The following PTPN21 variants were observed in gnomAD, a reference collection of about 807,000 sequenced individuals.
PTPN21 encodes the protein tyrosine-protein phosphatase non-receptor type 21.
PTPN21 carries 77 observed loss-of-function variants against 131.8 expected under a neutral mutation model. The observed-to-expected ratio is 0.58, with a 90% CI of 0.49 to 0.71. The LOEUF is 0.71. Ranked by LOEUF, PTPN21 falls within the 30% of genes least tolerant of loss-of-function variation. PTPN21 has a pLI of 0.00. For missense variants in PTPN21, 1,552 were observed against 1,527.1 expected (o/e 1.02, Z -0.27); for synonymous variants, 715 against 621.3 (o/e 1.15, Z -2.24).
intron 13 of PTPN21, among the ~76,000 whole-genome samples, chr14:88,474,131 C>CAAAAAAAAAAAAAAAAAAAAAA (rs754719071): frequency 2.1e-5 from 1 of 46,682 alleles, no homozygotes; most frequent in African/African-American, 7.9e-5. Context: ...AGCTGAAGTC[C>CAAAAAAAAAAAAAAAAAAAAAA]AAAAAAAAAA....
chr14:88,532,582 CAAAG>C (rs1458047349), intron 2 of PTPN21, among the ~76,000 whole-genome samples: 1 of 152,090 alleles, frequency 6.6e-6, no homozygotes, highest in Non-Finnish European at 1.5e-5. Flanking sequence ...ATGCCCTTGA[CAAAG>C]AAGAAATTTC....
intron 12 of PTPN21, among the ~76,000 whole-genome samples, chr14:88,484,565 C>T (rs1191632557): frequency 6.6e-6 from 1 of 152,102 alleles, no homozygotes; most frequent in Non-Finnish European, 1.5e-5. Flanking sequence ...GACACAGGAA[C>T]CAGCTTGATA....
At chr14:88,520,868 G>C (rs985621247) in intron 2 of PTPN21, among the ~76,000 whole-genome samples, 1 of 152,100 alleles carries the variant, frequency 6.6e-6, no homozygotes, top group Admixed American at 6.6e-5. Context: ...TTTTGAGAGA[G>C]AGTTGCACTC....
chr14:88,543,431 A>G (rs181644853), intron 2 of PTPN21, among the ~76,000 whole-genome samples: 13 of 152,378 alleles, frequency 8.5e-5, no homozygotes, highest in Admixed American at 7.2e-4. Context: ...ATCTGTATAC[A>G]AAACTTTGGA....
chr14:88,466,813 ATC>A lies in PTPN21; in HGVS notation c.*1322_*1323del, dbSNP rs1276212511. ...CAAGTACCTCTTGAATACCACAGCA[ATC>A]TCTGTGCACAAATTTGGACTGTACT... On this transcript the variant is annotated 3_prime_UTR_variant, in exon 19 of 19. Transcript: ENST00000556564. The A allele has an allele frequency of 6.6e-6, 1 of 152,208 alleles. No homozygotes were observed. The highest frequency in any genetic ancestry group is 1.5e-5 in the Non-Finnish European group (1 of 68,052). 9.4% of individuals were successfully genotyped at this position (152,208 alleles called of 1,614,324 possible).
intron 3 of PTPN21, chr14:88,515,321 A>G (rs1324533643): frequency 6.6e-6 from 1 of 152,150 alleles, no homozygotes; most frequent in Non-Finnish European, 1.5e-5. Context: ...CTCTCAATCC[A>G]GCTAATGCCT....
At chr14:88,548,170 C>G (rs566347601) in intron 2 of PTPN21, among the ~76,000 whole-genome samples, 4 of 152,270 alleles carry the variant, frequency 2.6e-5, no homozygotes, top group Admixed American at 2.6e-4. Context: ...AGGTGGCTAC[C>G]ATCTGTACCT....
chr14:88,477,127 C>A (rs1272281806), intron 13 of PTPN21, among the ~76,000 whole-genome samples: 1 of 152,094 alleles, frequency 6.6e-6, no homozygotes, highest in Non-Finnish European at 1.5e-5. Flanking sequence ...TCTACCCACA[C>A]CTTATCCTGA....
In PTPN21 at chr14:88,468,023, C is replaced by T. The variant is rs1302542755; in HGVS notation, c.*114G>A. 2 of 1,336,186 alleles carry T rather than the reference C, an allele frequency of 1.5e-6. No homozygotes were observed. The highest frequency in any genetic ancestry group is 1.5e-5 in the African/African-American group (1 of 67,650). The allele number at this position is 1,336,186 out of a possible 1,614,324, so 82.8% of individuals were successfully genotyped here. Reference sequence around the variant, plus strand: ...CCATTCAGACTGCGCCACTTACGTCCCAGTGCCACGCTGCGTGGATCAAGT... The same window carrying T: ...CCATTCAGACTGCGCCACTTACGTCTCAGTGCCACGCTGCGTGGATCAAGT... On this transcript the variant is annotated 3_prime_UTR_variant, in exon 19 of 19. Coordinates refer to ENST00000556564, the MANE Select transcript of PTPN21 (RefSeq NM_007039.4).
In PTPN21 at chr14:88,492,479, G is replaced by A. The variant is rs568169909; in HGVS notation, c.932+3934C>T. On this transcript the variant is annotated intron_variant, in intron 10 of 18. Transcript: ENST00000556564. ...GTTCCTCCTCCCTGTCAGTGCTTAC[G>A]AAAATCCCATCACCAGACCAGCGAT... Among the ~76,000 whole-genome samples the A allele has an allele frequency of 7.2e-5, 11 of 152,274 alleles. No individual in the cohort carries two copies. In the East Asian group the frequency reaches 1.9e-3, roughly 27 times the overall value.
intron 2 of PTPN21, among the ~76,000 whole-genome samples, chr14:88,549,901 GACAGGTGCCCGCCACCACACCCT>G (rs1185612168): frequency 4.6e-5 from 7 of 151,808 alleles, no homozygotes; most frequent in Non-Finnish European, 7.4e-5. Context: ...TAGGTAGGAT[GACAGGTGCCCGCCACCACACCCT>G]ACAGGCGCCC....
chr14:88,508,065 C>A, intron 3 of PTPN21, 45 bp from the exon 4 acceptor site: 2 of 1,047,338 alleles, frequency 1.9e-6, no homozygotes, highest in East Asian at 2.5e-5. Flanking sequence ...AATATTATCT[C>A]ATTGAGATAC....
At chr14:88,514,955 T>A (rs2078244302) in intron 3 of PTPN21, 1 of 152,142 alleles carries the variant, frequency 6.6e-6, no homozygotes, top group South Asian at 2.1e-4. Flanking sequence ...GCACCCCTCA[T>A]AATCTTTCTC....
At chr14:88,524,867 T>C (rs2078451149) in intron 2 of PTPN21, among the ~76,000 whole-genome samples, 4 of 152,026 alleles carry the variant, frequency 2.6e-5, no homozygotes, top group South Asian at 2.1e-4. Context: ...ATTGTACCAC[T>C]GCATTCCAGC....
Position 88,479,349 on chromosome 14 carries a change from C to A in PTPN21, c.2082G>T (p.Arg694Ser), listed in dbSNP as rs748983954. Residue 694 changes from arginine to serine, a missense_variant, in exon 13 of 19, where the codon AGG becomes AGT. By Grantham distance (110) the Arg-to-Ser change is moderately radical. This residue lies in a region of PTPN21 where 1,016 missense variants were observed against 883.5 expected (regional missense o/e 1.15). Transcript: ENST00000556564. Reference protein sequence around the residue: ...REGPEEAEGLRYGHKKSLSDA... With the variant: ...REGPEEAEGLSYGHKKSLSDA... ...CCGACAGGGACTTCTTATGGCCGTACCTCAAGCCCTCCGCCTCCTCCGGCC... is the reference window on the plus strand; with the variant it reads ...CCGACAGGGACTTCTTATGGCCGTAACTCAAGCCCTCCGCCTCCTCCGGCC... 1 of 1,613,138 alleles carries A rather than the reference C, an allele frequency of 6.2e-7. No individual in the cohort carries two copies. The highest frequency in any genetic ancestry group is 1.3e-5 in the African/African-American group (1 of 74,902).
chr14:88,517,655 T>TATATACAGGTGTATATATAC (rs1438748460), intron 2 of PTPN21, among the ~76,000 whole-genome samples: 5 of 147,984 alleles, frequency 3.4e-5, no homozygotes, highest in African/African-American at 1.2e-4. Context: ...TATATATGTA[T>TATATACAGGTGTATATATAC]ATATACACAT....
intron 2 of PTPN21, among the ~76,000 whole-genome samples, chr14:88,541,406 T>C (rs764796003): frequency 6.6e-6 from 1 of 152,176 alleles, no homozygotes; most frequent in African/African-American, 2.4e-5. Flanking sequence ...TCCTTGTTAA[T>C]AGAAAAGAAA....
intron 10 of PTPN21, among the ~76,000 whole-genome samples, 189 bp downstream of exon 10, chr14:88,496,224 T>C (rs541778709): frequency 3.1e-4 from 47 of 152,376 alleles, no homozygotes; most frequent in African/African-American, 1.0e-3. Context: ...TTGTAACTAG[T>C]TGAAATAAAT....
rs78729966 is a variant in PTPN21, at chr14:88,491,375, T to C, written c.932+5038A>G. Among the ~76,000 whole-genome samples, 342 of 152,284 alleles carry C rather than the reference T, an allele frequency of 2.2e-3. 4 individuals carry two copies. Among genetic ancestry groups the C allele is most frequent in the African/African-American group, 7.8e-3 (324 of 41,562 alleles). On this transcript the variant is annotated intron_variant, in intron 10 of 18. Coordinates refer to ENST00000556564, the MANE Select transcript of PTPN21 (RefSeq NM_007039.4). ...CCTGGGATTACAGTTCCCCTTTCTGTGCAAGTCGAGTCTATCTCCTGGGCC... is the reference window on the plus strand; with the variant it reads ...CCTGGGATTACAGTTCCCCTTTCTGCGCAAGTCGAGTCTATCTCCTGGGCC...
Sources: gnomAD v4.1 joint callset for allele counts (sites outside exome capture counted in the v4.1 genomes callset) on GRCh38, gnomAD v4.1.1 for gene constraint, gnomAD v4.1.1 regional missense constraint, MANE v1.5 for transcripts, NCBI Gene and HGNC (gene_info 2026-07-23, HGNC 2026-07-21) for gene names.